Variants in ARHGAP32 observed in about 807,000 individuals in gnomAD.
ARHGAP32 encodes Rho GTPase activating protein 32.
A neutral mutation model predicts 186.5 loss-of-function variants in ARHGAP32; 51 were observed. The ratio of observed to expected loss-of-function variants is 0.27; its 90% CI spans 0.22 to 0.35. The LOEUF (loss-of-function observed/expected upper bound fraction) is 0.35. ARHGAP32 is among the 10% of genes least tolerant of loss of function. The pLI, the probability that ARHGAP32 is intolerant of heterozygous loss-of-function variation, is 1.00. For missense variants in ARHGAP32, 2,186 were observed against 2,623.5 expected (o/e 0.83, Z 3.64); for synonymous variants, 950 against 964.3 (o/e 0.99, Z 0.27).
intron 1 of ARHGAP32, among the ~76,000 whole-genome samples, chr11:129,259,531 G>C (rs1021387388): frequency 7.3e-5 from 11 of 151,064 alleles, no homozygotes; most frequent in Admixed American, 4.6e-4. Flanking sequence ...ACAAATACAG[G>C]TTTCACTCTC....
chr11:129,147,529 AT>A (rs906913678), intron 2 of ARHGAP32, among the ~76,000 whole-genome samples: 2 of 152,082 alleles, frequency 1.3e-5, no homozygotes, highest in African/African-American at 4.8e-5. Flanking sequence ...GGCGTATGGG[AT>A]TTTGTTTGTC....
intron 11 of ARHGAP32, among the ~76,000 whole-genome samples, chr11:129,037,023 A>G (rs1392604019): frequency 2.6e-5 from 4 of 152,270 alleles, no homozygotes; most frequent in African/African-American, 9.6e-5. Flanking sequence ...GCTTCAAGAT[A>G]TAACATCAAC....
At chr11:129,047,200 T>C (rs1022555098) in intron 10 of ARHGAP32, among the ~76,000 whole-genome samples, 2 of 152,348 alleles carry the variant, frequency 1.3e-5, no homozygotes, top group African/African-American at 4.8e-5. Context: ...TTTAGCACTG[T>C]TGGCGTAGCC....
At chr11:129,112,040 C>T (rs1376459682) in intron 5 of ARHGAP32, among the ~76,000 whole-genome samples, 2 of 152,062 alleles carry the variant, frequency 1.3e-5, no homozygotes, top group South Asian at 2.1e-4. Flanking sequence ...GTCAGGAGTT[C>T]GAGACCAGCC....
upstream of ARHGAP32, among the ~76,000 whole-genome samples, chr11:129,193,563 A>AT (rs1944318239): frequency 8.2e-5 from 1 of 12,236 alleles, no homozygotes; most frequent in Non-Finnish European, 1.5e-4. Flanking sequence ...TATATATATT[A>AT]TATATAATAT....
At chr11:129,059,484 T>C (rs566526992) in intron 10 of ARHGAP32, among the ~76,000 whole-genome samples, 8 of 149,216 alleles carry the variant, frequency 5.4e-5, no homozygotes, top group African/African-American at 2.0e-4. Context: ...TGCCTTAAAA[T>C]ACTGATTTGC....
chr11:129,055,835 A>G (rs1332719225), intron 10 of ARHGAP32, among the ~76,000 whole-genome samples: 4 of 152,254 alleles, frequency 2.6e-5, no homozygotes, highest in Non-Finnish European at 5.9e-5. Context: ...TGAAAACTAT[A>G]ATGGTGGATA....
chr11:129,193,696 A>ATATAT, upstream of ARHGAP32, among the ~76,000 whole-genome samples: 2 of 23,924 alleles, frequency 8.4e-5, no homozygotes, highest in African/African-American at 3.5e-4. Context: ...ATATTATATA[A>ATATAT]TATATAATAT....
intron 1 of ARHGAP32, among the ~76,000 whole-genome samples, chr11:129,181,119 G>T (rs909557256): frequency 6.6e-6 from 1 of 152,034 alleles, no homozygotes; most frequent in African/African-American, 2.4e-5. Flanking sequence ...TTCCAAGCAG[G>T]ATATCTTTCT....
chr11:128,997,751 A>C (rs1946240467), intron 12 of ARHGAP32, among the ~76,000 whole-genome samples: 1 of 152,238 alleles, frequency 6.6e-6, no homozygotes, highest in South Asian at 2.1e-4. Context: ...AAAATGAAAA[A>C]TAAAAATTAG....
intron 11 of ARHGAP32, chr11:129,024,288 T>C (rs1057403405): frequency 7.2e-5 from 26 of 360,362 alleles, no homozygotes; most frequent in Admixed American, 1.3e-4. Context: ...GGTGAGCACT[T>C]CCTGCTCAGA....
intron 11 of ARHGAP32, among the ~76,000 whole-genome samples, chr11:129,015,177 T>C (rs1203923541): frequency 1.3e-5 from 2 of 152,316 alleles, no homozygotes; most frequent in East Asian, 3.9e-4. Flanking sequence ...ACCTGACTAC[T>C]ATTTAAAAGC....
intron 1 of ARHGAP32, among the ~76,000 whole-genome samples, chr11:129,277,622 C>T (rs1202326355): frequency 3.9e-5 from 6 of 152,200 alleles, no homozygotes; most frequent in South Asian, 2.1e-4. Context: ...ACACGGACTG[C>T]TATAGGGACC....
chr11:129,033,018 A>C (rs1939178621), intron 11 of ARHGAP32, among the ~76,000 whole-genome samples: 1 of 152,210 alleles, frequency 6.6e-6, no homozygotes, highest in African/African-American at 2.4e-5. Flanking sequence ...TGAACTCTCT[A>C]CATGTATACA....
chr11:129,006,760 G>A (rs929827836), intron 11 of ARHGAP32, among the ~76,000 whole-genome samples: 2 of 152,180 alleles, frequency 1.3e-5, no homozygotes, highest in Non-Finnish European at 1.5e-5. Context: ...AAGGACCTAG[G>A]ACTGTATAAT....
chr11:129,261,111 C>A (rs995076845), intron 1 of ARHGAP32, among the ~76,000 whole-genome samples: 26 of 151,438 alleles, frequency 1.7e-4, no homozygotes, highest in Non-Finnish European at 3.4e-4. Context: ...TTTTTTTTAA[C>A]TTTAATGAGC....
Position 129,123,533 on chromosome 11 carries a change from G to C in ARHGAP32, c.360-3C>G. The C allele has an allele frequency of 6.2e-7, 1 of 1,608,032 alleles. No homozygotes were observed. Among genetic ancestry groups the C allele is most frequent in the Admixed American group, 1.7e-5 (1 of 59,774 alleles). On this transcript the variant is annotated splice_region_variant and splice_polypyrimidine_tract_variant and intron_variant, in intron 4 of 22. Transcript: ENST00000682385. The surrounding 1 kb of genome is among the most constrained non-coding windows in gnomAD (Gnocchi z 4.6). ...AGTGACCTTTAGTGAAGGGTAACCT[G>C]AAACACATGAAATAAATAAGAAACG...
chr11:129,092,893 T>C (rs1410260519), intron 6 of ARHGAP32, among the ~76,000 whole-genome samples: 1 of 151,972 alleles, frequency 6.6e-6, no homozygotes, highest in Non-Finnish European at 1.5e-5. Context: ...CAATGACTAA[T>C]TCACCAGTAG....
intron 2 of ARHGAP32, among the ~76,000 whole-genome samples, chr11:129,139,542 G>T (rs1943005524): frequency 6.6e-6 from 1 of 152,146 alleles, no homozygotes; most frequent in Admixed American, 6.5e-5. Flanking sequence ...TCATGGGAGG[G>T]ACCCAGTGGG....
Sources: allele counts gnomAD v4.1 joint callset (sites outside exome capture counted in the v4.1 genomes callset), GRCh38; gene constraint gnomAD v4.1.1; non-coding constraint Gnocchi (gnomAD v3.1); transcripts MANE v1.5; gene names NCBI Gene and HGNC (gene_info 2026-07-23, HGNC 2026-07-21).